The following IFIH1 variants were observed in gnomAD, a reference collection of about 807,000 sequenced individuals.
IFIH1 encodes interferon-induced helicase C domain-containing protein 1.
In IFIH1, 125 loss-of-function variants were observed where a neutral mutation model predicts 107.4. The ratio of observed to expected loss-of-function variants is 1.16; its 90% CI spans 1.01 to 1.35. The LOEUF is 1.35. Ranked by LOEUF, IFIH1 falls within the 40% of genes most tolerant of loss-of-function variation. The probability of loss-of-function intolerance (pLI) is 0.00; values close to 1 mark genes in which losing one functional copy is unlikely to be tolerated. For synonymous variants in IFIH1, 458 were observed against 413.2 expected (o/e 1.11, Z -1.31); for missense variants, 1,333 against 1,213.7 (o/e 1.10, Z -1.46).
intron 11 of IFIH1, 107 bp from the exon 12 acceptor site, chr2:162,274,051 A>G (rs1366441282): frequency 2.8e-6 from 2 of 706,588 alleles, no homozygotes; most frequent in Non-Finnish European, 4.6e-6. Context: ...AAATCAAAGG[A>G]TTAGATCATA....
At chr2:162,277,324 TA>T (rs1682709942) in intron 10 of IFIH1, 90 bp downstream of exon 10, 9 of 903,014 alleles carry the variant, frequency 1.0e-5, no homozygotes, top group South Asian at 3.5e-5. Context: ...TTTCAAAAGA[TA>T]TTTCTCTTTT....
intron 6 of IFIH1, 24 bp downstream of exon 6, chr2:162,282,341 TA>T (rs58630208): frequency 9.4e-6 from 14 of 1,482,022 alleles, no homozygotes; most frequent in East Asian, 2.3e-5. Flanking sequence ...TTAATTTTTT[TA>T]AAAAAATAAA....
At chr2:162,299,939 C>G (rs914921908) in intron 3 of IFIH1, among the ~76,000 whole-genome samples, 1 of 152,178 alleles carries the variant, frequency 6.6e-6, no homozygotes, top group Non-Finnish European at 1.5e-5. Flanking sequence ...TTGCCTGCCA[C>G]TTCTATTTAC....
At chr2:162,305,766 A>G (rs1294975646) in intron 3 of IFIH1, among the ~76,000 whole-genome samples, 1 of 152,198 alleles carries the variant, frequency 6.6e-6, no homozygotes. Flanking sequence ...ATTTTCAGGC[A>G]AAGGTTGTAA....
At chr2:162,286,205 CA>C (rs141069944) in intron 5 of IFIH1, among the ~76,000 whole-genome samples, 1 of 151,502 alleles carries the variant, frequency 6.6e-6, no homozygotes, top group South Asian at 2.1e-4. Flanking sequence ...CAAGGAACAA[CA>C]AAAAAAAGTA....
At chr2:162,304,993 C>G (rs1293188635) in intron 3 of IFIH1, among the ~76,000 whole-genome samples, 3 of 152,146 alleles carry the variant, frequency 2.0e-5, no homozygotes, top group Non-Finnish European at 4.4e-5. Context: ...ACAAAGAGAG[C>G]TATCGAGGCA....
At chr2:162,314,408 TTTCTTTCTTTTCTTTCTTTC>T (rs1160270816) in intron 1 of IFIH1, among the ~76,000 whole-genome samples, 1 of 71,022 alleles carries the variant, frequency 1.4e-5, no homozygotes, top group African/African-American at 1.0e-4. Flanking sequence ...CCTTTCTTTC[TTTCTTTCTTTTCTTTCTTTC>T]TTTCTTTCTT....
chr2:162,293,498 C>G (rs1488666383), intron 4 of IFIH1, 66 bp downstream of exon 4: 2 of 933,002 alleles, frequency 2.1e-6, no homozygotes, highest in Non-Finnish European at 3.4e-6. Context: ...TGAACAGCCC[C>G]CATGCTTCCA....
At chr2:162,295,207 T>C (rs905191694) in intron 3 of IFIH1, among the ~76,000 whole-genome samples, 1 of 152,026 alleles carries the variant, frequency 6.6e-6, no homozygotes. Context: ...CTGGTTTCTG[T>C]TCCACATCAG....
At chr2:162,269,957 A>G (rs906075395) in intron 13 of IFIH1, among the ~76,000 whole-genome samples, 2 of 152,238 alleles carry the variant, frequency 1.3e-5, no homozygotes, top group African/African-American at 2.4e-5. Flanking sequence ...CTTTTATAAG[A>G]CATTTACAGT....
intron 13 of IFIH1, among the ~76,000 whole-genome samples, chr2:162,269,677 A>G (rs1161814450): frequency 1.3e-5 from 2 of 152,206 alleles, no homozygotes; most frequent in Non-Finnish European, 2.9e-5. Flanking sequence ...GGAAGAATTA[A>G]TTGTTTTCTT....
At position 162,272,320 on chromosome 2, in the gene IFIH1, A is replaced by G. The variant is rs1339197664; in HGVS notation, c.2522T>C (p.Ile841Thr). 2 of 1,613,268 alleles carry G rather than the reference A, an allele frequency of 1.2e-6. No individual in the cohort carries two copies. Among genetic ancestry groups the G allele is most frequent in the South Asian group, 2.2e-5 (2 of 91,048 alleles). The change falls in exon 13 of 16, where the codon ATC becomes ACC. Residue 841 changes from isoleucine (I) to threonine (T), a missense_variant. Physicochemically the swap from Ile to Thr is moderately conservative, Grantham distance 89. Coordinates refer to ENST00000649979, the MANE Select transcript of IFIH1 (RefSeq NM_022168.4). ...VLVAHSGSGV[I>T]EHETVNDFRE... is the part of the protein sequence containing the mutation. ...GAAATCATTAACTGTCTCATGTTCG[A>G]TAACTCCTGAACCACTGTGAGCAAC...
chr2:162,283,791 G>T lies in IFIH1; in HGVS notation c.1096-1215C>A, dbSNP rs139760643. 3.8e-3 allele frequency among the ~76,000 whole-genome samples: 575 copies of T among 152,058 alleles called. 7 individuals are homozygous for T. The highest frequency in any genetic ancestry group is 0.013 in the African/African-American group (538 of 41,530). ...GTTTACTTTATTATTTAGTGGAAAT[G>T]ATGGAGGCTTCCAAAAGTAGGTGTC... On this transcript the variant is annotated intron_variant, in intron 5 of 15. Transcript: ENST00000649979.
rs1682830281 is a variant in IFIH1 at position 162,282,539 on chromosome 2, T to C, written c.1133A>G (p.Gln378Arg). The part of the protein sequence containing the change: ...LVEQLFRKEF[Q>R]PFLKKWYRVI... ...ACGATACCATTTCTTCAAAAATGGT[T>C]GGAACTCCTTGCGGAAGAGCTGTTC... is the stretch of plus-strand genomic sequence containing the variant. Residue 378 changes from glutamine to arginine, a missense_variant, in exon 6 of 16, where the codon CAA becomes CGA. Gln to Arg is a conservative substitution (Grantham distance 43). Transcript: ENST00000649979. 3.7e-6 allele frequency: 6 copies of C among 1,611,312 alleles called. No individual in the cohort carries two copies. Among genetic ancestry groups the C allele is most frequent in the Non-Finnish European group, 5.1e-6 (6 of 1,178,516 alleles).
intron 11 of IFIH1, among the ~76,000 whole-genome samples, chr2:162,276,048 C>T (rs1206210954): frequency 6.6e-6 from 1 of 152,134 alleles, no homozygotes. Context: ...TACTACATGG[C>T]AATCATTTCT....
chr2:162,274,541 T>C (rs1213963547), intron 11 of IFIH1, among the ~76,000 whole-genome samples: 1 of 152,102 alleles, frequency 6.6e-6, no homozygotes, highest in Non-Finnish European at 1.5e-5. Context: ...TTGTGCCTCA[T>C]TAATTTTGAA....
At chr2:162,276,224 T>A (rs1445447670) in intron 11 of IFIH1, among the ~76,000 whole-genome samples, 1 of 152,198 alleles carries the variant, frequency 6.6e-6, no homozygotes, top group Admixed American at 6.5e-5. Context: ...AACAGGTGTT[T>A]TATCCTGTAA....
At chr2:162,309,446 C>T (rs1400166498) in intron 2 of IFIH1, among the ~76,000 whole-genome samples, 2 of 152,220 alleles carry the variant, frequency 1.3e-5, no homozygotes, top group Non-Finnish European at 2.9e-5. Context: ...GGCATTCTTT[C>T]CTTTCCCTGA....
chr2:162,273,825 A>G lies in IFIH1; in HGVS notation c.2424T>C (p.Gly808=). 1.2e-6 allele frequency: 2 copies of G among 1,606,872 alleles called. No individual in the cohort carries two copies. Among genetic ancestry groups the G allele is most frequent in the Admixed American group, 1.7e-5 (1 of 58,910 alleles). ...CCATGGCTATTTCATTGGTGACGAG[A>G]CCATAACGGATAACAATGTTACATT... ...IKECNIVIRY[G]LVTNEIAMVQ... is the part of the protein sequence containing the mutation. The change falls in exon 12 of 16, where the codon GGT becomes GGC. Residue 808 remains glycine, a synonymous_variant. Transcript: ENST00000649979.
Sources: allele counts gnomAD v4.1 joint callset (sites outside exome capture counted in the v4.1 genomes callset), GRCh38; gene constraint gnomAD v4.1.1; transcripts MANE v1.5; gene names NCBI Gene and HGNC (gene_info 2026-07-23, HGNC 2026-07-21).